Variants in IL17F observed in about 807,000 individuals in gnomAD.
The protein encoded by IL17F is interleukin 17F.
In IL17F, 6 loss-of-function variants were observed where a neutral mutation model predicts 8.3. That is an observed-to-expected ratio of 0.73 (90% CI 0.40 to 1.43). The LOEUF (loss-of-function observed/expected upper bound fraction) is 1.43. Among genes scored for constraint, IL17F ranks in the 40% most tolerant of loss-of-function variants. The pLI, the probability that IL17F is intolerant of heterozygous loss-of-function variation, is 0.02. For synonymous variants in IL17F, 98 were observed against 81.6 expected, an observed-to-expected ratio of 1.20 and a Z score of -1.08; for missense variants, 204 against 209.6, an observed-to-expected ratio of 0.97 and a Z score of 0.17.
At chr6:52,244,528 T>C (rs756461052), upstream of IL17F, 19 of 1,141,748 alleles carry the variant, frequency 1.7e-5, no homozygotes, top group African/African-American at 4.6e-5. Context: ...GTTAGTTTTA[T>C]AGCAATCATT....
At chr6:52,240,438 GAAAAAAAA>G (rs34052816) in intron 1 of IL17F, among the ~76,000 whole-genome samples, 10 of 96,348 alleles carry the variant, frequency 1.0e-4, no homozygotes, top group Admixed American at 5.3e-4. Flanking sequence ...CTCCTGCTTG[GAAAAAAAA>G]AAAAAAAAAA....
intron 1 of IL17F, among the ~76,000 whole-genome samples, chr6:52,240,978 T>C (rs1192259251): frequency 6.6e-6 from 1 of 152,178 alleles, no homozygotes. Context: ...TACTGGCGAC[T>C]CTTGCTAACT....
chr6:52,242,355 T>C (rs532087109), intron 1 of IL17F, among the ~76,000 whole-genome samples: 3 of 152,302 alleles, frequency 2.0e-5, no homozygotes, highest in African/African-American at 7.2e-5. Flanking sequence ...TGTGGACACA[T>C]GTAAGCATGC....
Position 52,236,779 on chromosome 6 carries a change from T to C in IL17F, c.*152A>G, listed in dbSNP as rs1763967008. On this transcript the variant is annotated 3_prime_UTR_variant, in exon 3 of 3. Coordinates refer to ENST00000336123, the MANE Select transcript of IL17F (RefSeq NM_052872.4). The stretch of plus-strand genomic sequence containing the variant: ...ATATAAAGTGTAGTACATACACACA[T>C]ACATTGTGAATATTTTCTGTTTCCA... 2.7e-6 allele frequency: 2 copies of C among 745,934 alleles called. No homozygotes were observed. The highest frequency in any genetic ancestry group is 1.4e-5 in the South Asian group (1 of 69,634). 46.2% of individuals were successfully genotyped at this position (745,934 alleles called of 1,614,324 possible).
chr6:52,237,158 C>T lies in IL17F; in HGVS notation c.265G>A (p.Asp89Asn). Reference sequence around the variant, plus strand: ...ACTTCCGAGGGGTACCGGTTGGGGTCCCAAGTGACACTGCAGGAGGAGCAA... The same window carrying T: ...ACTTCCGAGGGGTACCGGTTGGGGTTCCAAGTGACACTGCAGGAGGAGCAA... ...TSPWNYTVTW[D>N]PNRYPSEVVQ... Residue 89 changes from aspartate (D) to asparagine (N), a missense_variant, in exon 3 of 3, where the codon GAC becomes AAC. Coordinates refer to ENST00000336123, the MANE Select transcript of IL17F (RefSeq NM_052872.4). 1 of 1,613,670 alleles carries T rather than the reference C, an allele frequency of 6.2e-7. No homozygotes were observed. Among genetic ancestry groups the T allele is most frequent in the Non-Finnish European group, 8.5e-7 (1 of 1,179,784 alleles).
At chr6:52,242,425 T>C (rs956853118) in intron 1 of IL17F, among the ~76,000 whole-genome samples, 1 of 152,256 alleles carries the variant, frequency 6.6e-6, no homozygotes, top group Non-Finnish European at 1.5e-5. Context: ...AGATGTCCTA[T>C]CTGCCTGCAC....
intron 1 of IL17F, among the ~76,000 whole-genome samples, chr6:52,242,030 G>A (rs1024418455): frequency 6.6e-6 from 1 of 152,198 alleles, no homozygotes; most frequent in African/African-American, 2.4e-5. Flanking sequence ...CTTTTGATCT[G>A]AAACTGTAGA....
chr6:52,244,892 A>T (rs1764138135), upstream of IL17F, among the ~76,000 whole-genome samples: 1 of 152,212 alleles, frequency 6.6e-6, no homozygotes, highest in Non-Finnish European at 1.5e-5. Flanking sequence ...GAGAAAACTC[A>T]TCCTTAGAGG....
chr6:52,244,489 A>G lies in IL17F; in HGVS notation c.-60T>C. 6.6e-7 allele frequency: 1 copy of G among 1,519,970 alleles called. No homozygotes were observed. The highest frequency in any genetic ancestry group is 9.1e-7 in the Non-Finnish European group (1 of 1,094,374). The allele number at this position is 1,519,970 out of a possible 1,614,324, so 94.2% of individuals were successfully genotyped here. On this transcript the variant is annotated 5_prime_UTR_variant, in exon 1 of 3. Transcript: ENST00000336123. ...TTTCTGTGAATGTATCTTCCTGTGT[A>G]TGCCTGTGTTCTATCAATGAGAGTA...
intron 1 of IL17F, among the ~76,000 whole-genome samples, chr6:52,242,582 A>G (rs1764093300): frequency 6.6e-6 from 1 of 152,248 alleles, no homozygotes; most frequent in South Asian, 2.1e-4. Context: ...CAATGGCTTT[A>G]AATTCACAAA....
At chr6:52,241,228 G>A (rs751577547) in intron 1 of IL17F, among the ~76,000 whole-genome samples, 4 of 151,958 alleles carry the variant, frequency 2.6e-5, no homozygotes, top group African/African-American at 4.8e-5. Context: ...ACATACGTGC[G>A]CCACCACACC....
intron 1 of IL17F, among the ~76,000 whole-genome samples, chr6:52,242,597 G>A (rs1037021794): frequency 6.6e-6 from 1 of 152,162 alleles, no homozygotes; most frequent in Admixed American, 6.5e-5. Context: ...CACAAATCTT[G>A]CCTCTGAACC....
intron 1 of IL17F, among the ~76,000 whole-genome samples, chr6:52,243,102 A>G (rs1764100212): frequency 6.6e-6 from 1 of 152,216 alleles, no homozygotes; most frequent in African/African-American, 2.4e-5. Context: ...TAAATATGGC[A>G]CTTTGCTGAG....
At chr6:52,244,222 C>T (rs1464237599) in intron 1 of IL17F, among the ~76,000 whole-genome samples, 175 bp downstream of exon 1, 1 of 152,136 alleles carries the variant, frequency 6.6e-6, no homozygotes, top group Admixed American at 6.5e-5. Flanking sequence ...GCCATTATAA[C>T]TTTTCTAGTT....
intron 2 of IL17F, 65 bp downstream of exon 2, chr6:52,238,665 T>C: frequency 7.4e-7 from 1 of 1,343,848 alleles, no homozygotes; most frequent in Non-Finnish European, 1.1e-6. Context: ...ATTTTCTACT[T>C]TATGATTAGA....
chr6:52,241,848 G>A (rs926267108), intron 1 of IL17F, among the ~76,000 whole-genome samples: 40 of 152,308 alleles, frequency 2.6e-4, no homozygotes, highest in African/African-American at 9.6e-4. Flanking sequence ...TATTGTCATT[G>A]AAGGTCATTT....
chr6:52,242,617 CA>C (rs1352596521), intron 1 of IL17F, among the ~76,000 whole-genome samples: 1 of 152,198 alleles, frequency 6.6e-6, no homozygotes, highest in Non-Finnish European at 1.5e-5. Context: ...CAAAGAAAAG[CA>C]TACTGTATGT....
At chr6:52,237,522 T>C (rs921424934) in intron 2 of IL17F, among the ~76,000 whole-genome samples, 1 of 152,100 alleles carries the variant, frequency 6.6e-6, no homozygotes, top group African/African-American at 2.4e-5. Context: ...TACAATTCTT[T>C]ATTCTCTGCC....
intron 1 of IL17F, 46 bp downstream of exon 1, chr6:52,244,351 T>C: frequency 1.3e-6 from 2 of 1,588,972 alleles, no homozygotes; most frequent in Non-Finnish European, 1.7e-6. Context: ...TTTTCTGAAA[T>C]CCTAGGCATG....
Sources: gnomAD v4.1 joint callset for allele counts (sites outside exome capture counted in the v4.1 genomes callset) on GRCh38, gnomAD v4.1.1 for gene constraint, MANE v1.5 for transcripts, NCBI Gene and HGNC (gene_info 2026-07-23, HGNC 2026-07-21) for gene names.